CAMK1D: variants seen among roughly 807,000 people sequenced by gnomAD.
CAMK1D encodes the protein calcium/calmodulin dependent protein kinase ID, also known as calcium/calmodulin-dependent protein kinase type 1D.
Under a neutral mutation model 47.7 loss-of-function variants are expected in CAMK1D, and 9 were observed. The observed-to-expected ratio is 0.19, with a 90% CI of 0.11 to 0.33. The LOEUF is 0.33. Ranked by LOEUF, CAMK1D falls within the 10% of genes least tolerant of loss-of-function variation. The probability of loss-of-function intolerance (pLI) is 1.00; values close to 1 mark genes in which losing one functional copy is unlikely to be tolerated. For synonymous variants in CAMK1D, 184 were observed against 184.9 expected (o/e 0.99, Z 0.04); for missense variants, 291 against 488.7 (o/e 0.60, Z 3.81).
intron 1 of CAMK1D, among the ~76,000 whole-genome samples, chr10:12,541,048 G>C (rs1463732203): frequency 6.6e-6 from 1 of 151,808 alleles, no homozygotes; most frequent in Non-Finnish European, 1.5e-5. Context: ...TTAATGAATA[G>C]ACATTGTATC....
chr10:12,818,530 A>G (rs929985679), intron 8 of CAMK1D, among the ~76,000 whole-genome samples: 2 of 152,166 alleles, frequency 1.3e-5, no homozygotes, highest in East Asian at 3.9e-4. Flanking sequence ...AATTAGCCGG[A>G]CACGGTGGTG....
intron 1 of CAMK1D, among the ~76,000 whole-genome samples, chr10:12,458,915 G>C (rs1045737614): frequency 8.2e-6 from 1 of 122,682 alleles, no homozygotes; most frequent in South Asian, 2.5e-4. Context: ...ATCTCGCTCT[G>C]TTGCCCAGGC....
chr10:12,758,374 G>A (rs1434191614), intron 3 of CAMK1D, among the ~76,000 whole-genome samples: 1 of 151,878 alleles, frequency 6.6e-6, no homozygotes, highest in Non-Finnish European at 1.5e-5. Flanking sequence ...AAAAATATAT[G>A]ACAATATCAT....
At chr10:12,525,197 G>A (rs1449702226) in intron 1 of CAMK1D, among the ~76,000 whole-genome samples, 1 of 152,152 alleles carries the variant, frequency 6.6e-6, no homozygotes, top group African/African-American at 2.4e-5. Context: ...TGATTGTTGT[G>A]TGGGTATTCT....
At chr10:12,807,756 A>G (rs1020680012) in intron 6 of CAMK1D, among the ~76,000 whole-genome samples, 1 of 152,104 alleles carries the variant, frequency 6.6e-6, no homozygotes, top group African/African-American at 2.4e-5. Context: ...CCTACACCAG[A>G]TCTGCCCGGT....
intron 1 of CAMK1D, among the ~76,000 whole-genome samples, chr10:12,388,560 C>T (rs1838605276): frequency 6.6e-6 from 1 of 152,190 alleles, no homozygotes; most frequent in Non-Finnish European, 1.5e-5. Context: ...GTTTTGTCTT[C>T]TCTGTTGGGG....
chr10:12,444,939 T>C (rs992190696), intron 1 of CAMK1D, among the ~76,000 whole-genome samples: 92 of 152,184 alleles, frequency 6.0e-4, no homozygotes, highest in Admixed American at 6.0e-3. Flanking sequence ...GGGGATGGGA[T>C]TCGCTACAGA....
intron 3 of CAMK1D, among the ~76,000 whole-genome samples, chr10:12,744,331 G>GTA (rs146757394): frequency 0.12 from 18,462 of 152,058 alleles, 2,802 homozygotes; most frequent in African/African-American, 0.36. Context: ...GATCTCACAG[G>GTA]TATATACCTA....
intron 1 of CAMK1D, among the ~76,000 whole-genome samples, chr10:12,483,558 C>G (rs757730558): frequency 3.9e-5 from 6 of 151,982 alleles, no homozygotes; most frequent in Non-Finnish European, 7.4e-5. Flanking sequence ...GAGATGTGGT[C>G]TTGTTATGTT....
At chr10:12,524,390 T>C (rs1364184478) in intron 1 of CAMK1D, among the ~76,000 whole-genome samples, 1 of 152,232 alleles carries the variant, frequency 6.6e-6, no homozygotes, top group Non-Finnish European at 1.5e-5. Flanking sequence ...ATAGTTTTTA[T>C]ATTTATTACA....
At chr10:12,708,410 C>G (rs1046633491) in intron 3 of CAMK1D, among the ~76,000 whole-genome samples, 5 of 152,158 alleles carry the variant, frequency 3.3e-5, no homozygotes, top group African/African-American at 1.2e-4. Flanking sequence ...GGAAGAGTAA[C>G]GCATATGCTG....
At chr10:12,688,600 C>A (rs1832746841) in intron 3 of CAMK1D, among the ~76,000 whole-genome samples, 1 of 152,098 alleles carries the variant, frequency 6.6e-6, no homozygotes, top group Non-Finnish European at 1.5e-5. Flanking sequence ...CCTTCAAGGG[C>A]CTAGAATTCC....
intron 5 of CAMK1D, among the ~76,000 whole-genome samples, chr10:12,789,103 T>A (rs12257319): frequency 0.2 from 30,389 of 152,176 alleles, 3,114 homozygotes; most frequent in South Asian, 0.24. Context: ...CCTTTTCATT[T>A]TTCTGCAAAA....
intron 3 of CAMK1D, among the ~76,000 whole-genome samples, chr10:12,751,098 TAAGA>T (rs1835946307): frequency 2.2e-5 from 2 of 92,380 alleles, no homozygotes; most frequent in African/African-American, 8.0e-5. Context: ...TAAGATAAGA[TAAGA>T]TAAGATAAGA....
chr10:12,613,185 A>T (rs191184397), intron 2 of CAMK1D, among the ~76,000 whole-genome samples: 265 of 152,302 alleles, frequency 1.7e-3, no homozygotes, highest in Admixed American at 5.1e-3. Context: ...GGAAACTTTT[A>T]AAAAAAGAAA....
chr10:12,704,157 C>T (rs1833641675), intron 3 of CAMK1D, among the ~76,000 whole-genome samples: 1 of 152,110 alleles, frequency 6.6e-6, no homozygotes, highest in South Asian at 2.1e-4. Flanking sequence ...CATAGCTGTG[C>T]TATATTCATC....
intron 6 of CAMK1D, among the ~76,000 whole-genome samples, chr10:12,801,222 TATCCATCC>T (rs55994840): frequency 0.044 from 6,610 of 149,332 alleles, 163 homozygotes; most frequent in Non-Finnish European, 0.054. Context: ...ACATCTCTAG[TATCCATCC>T]ATCCATCCAT....
At chr10:12,828,142 A>G (rs567198155) in intron 10 of CAMK1D, among the ~76,000 whole-genome samples, 23 of 152,354 alleles carry the variant, frequency 1.5e-4, no homozygotes, top group African/African-American at 5.0e-4. Context: ...TATGTAGTCA[A>G]CACTAGCCTG....
At chr10:12,432,322 G>A (rs1832501968) in intron 1 of CAMK1D, among the ~76,000 whole-genome samples, 1 of 152,194 alleles carries the variant, frequency 6.6e-6, no homozygotes. Context: ...AGGAAACTTA[G>A]TCCAAGGTTT....
Sources: gnomAD v4.1 joint callset for allele counts (sites outside exome capture counted in the v4.1 genomes callset) on GRCh38, gnomAD v4.1.1 for gene constraint, MANE v1.5 for transcripts, NCBI Gene and HGNC (gene_info 2026-07-23, HGNC 2026-07-21) for gene names.